PLXNC1: variants seen among roughly 807,000 people sequenced by gnomAD.
The protein encoded by PLXNC1 is plexin C1, also known as plexin-C1.
Under a neutral mutation model 178.2 loss-of-function variants are expected in PLXNC1, and 75 were observed. That is an observed-to-expected ratio of 0.42 (90% CI 0.35 to 0.51). PLXNC1 has a LOEUF of 0.51. Among genes scored for constraint, PLXNC1 ranks in the 20% least tolerant of loss-of-function variants. The pLI, the probability that PLXNC1 is intolerant of heterozygous loss-of-function variation, is 0.02. For synonymous variants in PLXNC1, 790 were observed against 779.9 expected (o/e 1.01, Z -0.22); for missense variants, 1,503 against 1,984.4 (o/e 0.76, Z 4.61).
chr12:94,238,917 T>C (rs1427684856), intron 10 of PLXNC1, among the ~76,000 whole-genome samples: 1 of 152,198 alleles, frequency 6.6e-6, no homozygotes, highest in African/African-American at 2.4e-5. Context: ...GCAACATAGG[T>C]TTTTTTGTGC....
chr12:94,214,873 G>C (rs1005186192), intron 5 of PLXNC1, among the ~76,000 whole-genome samples: 1 of 151,894 alleles, frequency 6.6e-6, no homozygotes, highest in East Asian at 1.9e-4. Context: ...ATAGTAGTTA[G>C]ATAGCAGAGC....
At chr12:94,273,020 A>G (rs971390870) in intron 21 of PLXNC1, among the ~76,000 whole-genome samples, 1 of 152,092 alleles carries the variant, frequency 6.6e-6, no homozygotes, top group Admixed American at 6.5e-5. Flanking sequence ...CGTCCTAGTT[A>G]TGACTCCCAC....
In PLXNC1 at chr12:94,161,085, AT is replaced by A. The variant is rs948301444; in HGVS notation, c.1063-8057del. ...CCAGTTAGAGCTCCCTGGAATAAAGATTTTTTTTTTTCATCCAGTTTCATGG... is the reference window on the plus strand; with the variant it reads ...CCAGTTAGAGCTCCCTGGAATAAAGATTTTTTTTTTCATCCAGTTTCATGG... On this transcript the variant is annotated intron_variant, in intron 1 of 30. Coordinates refer to ENST00000258526, the MANE Select transcript of PLXNC1 (RefSeq NM_005761.3). Among the ~76,000 whole-genome samples, 138 of 149,356 alleles carry A rather than the reference AT, an allele frequency of 9.2e-4. 1 individual carries two copies. The highest frequency in any genetic ancestry group is 7.0e-3 in the South Asian group (33 of 4,734).
At chr12:94,293,259 G>C (rs1179810758) in intron 23 of PLXNC1, among the ~76,000 whole-genome samples, 1 of 152,146 alleles carries the variant, frequency 6.6e-6, no homozygotes, top group African/African-American at 2.4e-5. Flanking sequence ...TTTCCAGTAT[G>C]GGACAATTAC....
At chr12:94,242,686 T>A (rs1397126622) in intron 11 of PLXNC1, among the ~76,000 whole-genome samples, 1 of 152,022 alleles carries the variant, frequency 6.6e-6, no homozygotes, top group Non-Finnish European at 1.5e-5. Flanking sequence ...TAGCATGACA[T>A]CCCCCACTCT....
rs780559061 is a variant in PLXNC1 at position 94,259,619 on chromosome 12, G to A, written c.3136G>A (p.Ala1046Thr). ...TTTTTCTTTTTATCAGAACAGAGACGCCAACGACAAGAATGAAAGTCTCAC... is the reference window on the plus strand; with the variant it reads ...TTTTTCTTTTTATCAGAACAGAGACACCAACGACAAGAATGAAAGTCTCAC... ...IFTEDMHNRD[A>T]NDKNESLTAL... is the part of the protein sequence containing the mutation. Residue 1046 changes from alanine to threonine, a missense_variant, in exon 19 of 31, where the codon GCC becomes ACC. Ala to Thr is a moderately conservative substitution (Grantham distance 58). Transcript: ENST00000258526. 13 of 1,602,710 alleles carry A rather than the reference G, an allele frequency of 8.1e-6. No homozygotes were observed. The highest frequency in any genetic ancestry group is 4.5e-5 in the East Asian group (2 of 44,674).
At chr12:94,282,113 G>A in intron 22 of PLXNC1, 185 bp from the exon 23 acceptor site, 1 of 527,226 alleles carries the variant, frequency 1.9e-6, no homozygotes, top group South Asian at 2.1e-5. Context: ...AAACATCAGA[G>A]CCCTAAACAA....
In PLXNC1 at chr12:94,248,429, TC is replaced by T. The variant is rs1396769901; in HGVS notation, c.2778+20del. The T allele has an allele frequency of 6.3e-7, 1 of 1,579,124 alleles. No homozygotes were observed. The highest frequency in any genetic ancestry group is 2.2e-5 in the East Asian group (1 of 44,578). On this transcript the variant is annotated intron_variant, in intron 14 of 30. Coordinates refer to ENST00000258526, the MANE Select transcript of PLXNC1 (RefSeq NM_005761.3). ...AAAGTTCGGGTAAGTGACCTGGCAG[TC>T]CCACCTGCTGTCTTTACCTGATTTT...
chr12:94,186,628 C>T (rs998007037), intron 4 of PLXNC1, 155 bp downstream of exon 4: 39 of 596,426 alleles, frequency 6.5e-5, no homozygotes, highest in Non-Finnish European at 1.1e-4. Context: ...AATGAATTCT[C>T]GAAGGTGTTT....
chr12:94,281,380 G>A (rs903574458), intron 22 of PLXNC1, among the ~76,000 whole-genome samples: 1 of 152,154 alleles, frequency 6.6e-6, no homozygotes, highest in Admixed American at 6.5e-5. Context: ...ATGCCCAAAG[G>A]GGCAGAAAAT....
chr12:94,288,111 T>G (rs780134699), intron 23 of PLXNC1, among the ~76,000 whole-genome samples: 8 of 152,258 alleles, frequency 5.3e-5, no homozygotes, highest in Non-Finnish European at 1.0e-4. Flanking sequence ...CGAGGCAGCC[T>G]GGCTAGAGAG....
At chr12:94,284,685 G>A (rs373571524) in intron 23 of PLXNC1, among the ~76,000 whole-genome samples, 1 of 152,082 alleles carries the variant, frequency 6.6e-6, no homozygotes, top group East Asian at 1.9e-4. Context: ...GGCAGGGCCA[G>A]ATTCGGACCT....
At chr12:94,274,648 ATGGGTATTTTC>A (rs1294784016) in intron 21 of PLXNC1, among the ~76,000 whole-genome samples, 1 of 152,214 alleles carries the variant, frequency 6.6e-6, no homozygotes, top group African/African-American at 2.4e-5. Flanking sequence ...TTAGCCTTTC[ATGGGTATTTTC>A]TGGGTATTAT....
At chr12:94,257,035 T>G (rs1964865347) in intron 17 of PLXNC1, among the ~76,000 whole-genome samples, 1 of 152,150 alleles carries the variant, frequency 6.6e-6, no homozygotes. Context: ...ATGCATAAAT[T>G]TGTCAGAACC....
chr12:94,289,428 G>GT lies in PLXNC1; in HGVS notation c.3880-5057dup, dbSNP rs575315089. On this transcript the variant is annotated intron_variant, in intron 23 of 30. Coordinates refer to ENST00000258526, the MANE Select transcript of PLXNC1 (RefSeq NM_005761.3). ...GGAATTTAATTTGAAATTGCCGTGCGTACCAGTTCTGCTCTGGGCTGGAGA... is the reference window on the plus strand; with the variant it reads ...GGAATTTAATTTGAAATTGCCGTGCGTTACCAGTTCTGCTCTGGGCTGGAGA... Among the ~76,000 whole-genome samples the GT allele has an allele frequency of 2.1e-3, 314 of 152,200 alleles. 2 individuals are homozygous for GT. The highest frequency in any genetic ancestry group is 7.2e-3 in the African/African-American group (300 of 41,518).
intron 4 of PLXNC1, among the ~76,000 whole-genome samples, chr12:94,194,813 G>A (rs997549237): frequency 1.6e-4 from 25 of 152,232 alleles, no homozygotes; most frequent in African/African-American, 4.8e-4. Context: ...ATTCCATAAC[G>A]TACATCATTG....
At chr12:94,239,519 G>A (rs932642993) in intron 10 of PLXNC1, among the ~76,000 whole-genome samples, 3 of 152,202 alleles carry the variant, frequency 2.0e-5, no homozygotes, top group Non-Finnish European at 4.4e-5. Context: ...TAGCATTAAA[G>A]TTAATCATCA....
At chr12:94,150,183 T>C in intron 1 of PLXNC1, 150 bp downstream of exon 1, 1 of 632,520 alleles carries the variant, frequency 1.6e-6, no homozygotes, top group Non-Finnish European at 2.6e-6. Flanking sequence ...CGGGCGGCCG[T>C]CCGAAGGCTC....
rs905287303 is a variant in PLXNC1, at chr12:94,182,014, C to T, written c.1338+434C>T. Among the ~76,000 whole-genome samples the T allele has an allele frequency of 4.6e-5, 7 of 152,010 alleles. No individual in the cohort carries two copies. The South Asian group carries it at 1.2e-3, about 27-fold the overall frequency. On this transcript the variant is annotated intron_variant, in intron 3 of 30. Coordinates refer to ENST00000258526, the MANE Select transcript of PLXNC1 (RefSeq NM_005761.3). ...GAACCAGGAAATATATGGTACTCCC[C>T]CTCCCCCTCTTCATTTATCTTGCTG...
Sources: gnomAD v4.1 joint callset for allele counts (sites outside exome capture counted in the v4.1 genomes callset) on GRCh38, gnomAD v4.1.1 for gene constraint, MANE v1.5 for transcripts, NCBI Gene and HGNC (gene_info 2026-07-23, HGNC 2026-07-21) for gene names.